The following CTNNA3 variants were observed in gnomAD, a reference collection of about 807,000 sequenced individuals.
The protein encoded by CTNNA3 is catenin alpha 3, also known as catenin alpha-3.
A neutral mutation model predicts 95.7 loss-of-function variants in CTNNA3; 76 were observed. The ratio of observed to expected loss-of-function variants is 0.79; its 90% confidence interval spans 0.66 to 0.96. The LOEUF (loss-of-function observed/expected upper bound fraction) is 0.96. Among genes scored for constraint, CTNNA3 ranks in the 40% least tolerant of loss-of-function variants. CTNNA3 has a pLI of 0.00. For synonymous variants in CTNNA3, 431 were observed against 374.4 expected, an observed-to-expected ratio of 1.15 and a Z score of -1.74; for missense variants, 1,191 against 1,089.8, an observed-to-expected ratio of 1.09 and a Z score of -1.31.
At chr10:65,962,595 T>C (rs1359427383) in intron 17 of CTNNA3, among the ~76,000 whole-genome samples, 5 of 152,180 alleles carry the variant, frequency 3.3e-5, no homozygotes, top group Non-Finnish European at 7.4e-5. Context: ...CTGGGTTACA[T>C]GTGCAGAACA....
intron 11 of CTNNA3, among the ~76,000 whole-genome samples, chr10:66,385,593 A>G (rs2092883392): frequency 6.6e-6 from 1 of 152,230 alleles, no homozygotes; most frequent in African/African-American, 2.4e-5. Context: ...TCATTTTATG[A>G]GGCCAGCATC....
At chr10:66,135,294 C>T (rs1408627152) in intron 13 of CTNNA3, among the ~76,000 whole-genome samples, 1 of 151,970 alleles carries the variant, frequency 6.6e-6, no homozygotes, top group African/African-American at 2.4e-5. Flanking sequence ...GTGCAATGAA[C>T]GTTGAATATT....
intron 10 of CTNNA3, among the ~76,000 whole-genome samples, chr10:66,571,132 A>T (rs1300182851): frequency 6.6e-6 from 1 of 152,182 alleles, no homozygotes; most frequent in Non-Finnish European, 1.5e-5. Context: ...GTGTGTATTT[A>T]TTCTCTTTCC....
chr10:66,821,873 T>A (rs1329398127), intron 7 of CTNNA3, among the ~76,000 whole-genome samples: 1 of 152,124 alleles, frequency 6.6e-6, no homozygotes, highest in African/African-American at 2.4e-5. Flanking sequence ...TAGCTCTAGA[T>A]CCACAGCACT....
rs188630188 is a variant in CTNNA3 at position 67,172,551 on chromosome 10, T to C, written c.1047+7766A>G. On this transcript the variant is annotated intron_variant, in intron 7 of 17. Coordinates refer to ENST00000433211, the MANE Select transcript of CTNNA3 (RefSeq NM_013266.4). ...CATATGTATAATACATACATATATA[T>C]ACACACACACACTATAGTCATATAG... 1.2e-3 allele frequency among the ~76,000 whole-genome samples: 188 copies of C among 152,158 alleles called. 2 individuals are homozygous for C. The highest frequency in any genetic ancestry group is 4.4e-3 in the African/African-American group (181 of 41,526).
At chr10:65,981,233 C>T (rs141903919) in intron 16 of CTNNA3, among the ~76,000 whole-genome samples, 229 of 151,856 alleles carry the variant, frequency 1.5e-3, no homozygotes, top group African/African-American at 5.1e-3. Flanking sequence ...AGAACTCAAC[C>T]GTTTTTTTAC....
At position 65,920,482 on chromosome 10, in the gene CTNNA3, C is replaced by T. The variant is rs1467135109; in HGVS notation, c.2536G>A (p.Val846Met). The T allele has an allele frequency of 6.2e-7, 1 of 1,614,132 alleles. No homozygotes were observed. Among genetic ancestry groups the T allele is most frequent in the Non-Finnish European group, 8.5e-7 (1 of 1,180,014 alleles). Residue 846 changes from valine (V) to methionine (M), a missense_variant, in exon 18 of 18, where the codon GTG becomes ATG. Val to Met is a conservative substitution (Grantham distance 21). Coordinates refer to ENST00000433211, the MANE Select transcript of CTNNA3 (RefSeq NM_013266.4). ...GCAGGAGCCTTCATTCTCCACATCA[C>T]AACTGGGTGCCGGGGCCCAGCAGGA... is the stretch of plus-strand genomic sequence containing the variant. ...QSPAGPRHPV[V>M]MWRMKAPAKK...
At chr10:67,035,797 T>TA (rs5785812) in intron 7 of CTNNA3, among the ~76,000 whole-genome samples, 9 of 151,806 alleles carry the variant, frequency 5.9e-5, no homozygotes, top group African/African-American at 2.2e-4. Context: ...ACATTTGCTT[T>TA]AAAAAAAAAT....
At chr10:67,601,026 C>T (rs530861969) in intron 3 of CTNNA3, among the ~76,000 whole-genome samples, 210 of 152,244 alleles carry the variant, frequency 1.4e-3, no homozygotes, top group Non-Finnish European at 2.2e-3. Flanking sequence ...TAGCTGGTAG[C>T]GGGGACAAGG....
At chr10:66,352,784 A>C (rs72802871) in intron 12 of CTNNA3, among the ~76,000 whole-genome samples, 9,259 of 152,176 alleles carry the variant, frequency 0.061, 444 homozygotes, top group East Asian at 0.1. Flanking sequence ...AATCTCAAAA[A>C]TGTACAGCTA....
intron 7 of CTNNA3, among the ~76,000 whole-genome samples, chr10:67,033,700 A>G (rs926556277): frequency 1.1e-4 from 16 of 152,182 alleles, no homozygotes; most frequent in African/African-American, 1.9e-4. Flanking sequence ...CAGATCCTAA[A>G]TGGTGGAACT....
chr10:67,280,823 GAAGAGGGTATAT>G (rs1251749895), intron 5 of CTNNA3, among the ~76,000 whole-genome samples: 1 of 152,062 alleles, frequency 6.6e-6, no homozygotes, highest in Non-Finnish European at 1.5e-5. Flanking sequence ...CTCCCCCAAT[GAAGAGGGTATAT>G]AAGCTTCAAC....
intron 5 of CTNNA3, among the ~76,000 whole-genome samples, chr10:67,432,909 T>G (rs565507573): frequency 6.6e-6 from 1 of 152,126 alleles, no homozygotes; most frequent in East Asian, 1.9e-4. Context: ...ATAGACTGAT[T>G]TGGGGAGTTT....
chr10:66,850,481 T>C (rs988747509), intron 7 of CTNNA3, among the ~76,000 whole-genome samples: 1 of 152,182 alleles, frequency 6.6e-6, no homozygotes, highest in Non-Finnish European at 1.5e-5. Context: ...GCAAAAAGCT[T>C]TGCTATTCTA....
At chr10:66,966,874 T>C (rs1215926385) in intron 7 of CTNNA3, among the ~76,000 whole-genome samples, 1 of 152,100 alleles carries the variant, frequency 6.6e-6, no homozygotes, top group African/African-American at 2.4e-5. Flanking sequence ...AAGACATGTT[T>C]AGTAGCTTTT....
At chr10:67,498,344 G>A (rs1312918861) in intron 5 of CTNNA3, among the ~76,000 whole-genome samples, 1 of 152,206 alleles carries the variant, frequency 6.6e-6, no homozygotes, top group Non-Finnish European at 1.5e-5. Flanking sequence ...CAGCCTTGTA[G>A]TATAGTTTGA....
intron 15 of CTNNA3, among the ~76,000 whole-genome samples, chr10:66,042,374 T>C (rs764465160): frequency 2.0e-5 from 3 of 152,120 alleles, no homozygotes; most frequent in Non-Finnish European, 4.4e-5. Flanking sequence ...GCCAGACACA[T>C]AGAAAAACTC....
chr10:65,945,618 T>C (rs1460974077), intron 17 of CTNNA3, among the ~76,000 whole-genome samples: 1 of 152,152 alleles, frequency 6.6e-6, no homozygotes, highest in African/African-American at 2.4e-5. Context: ...TTGCTGAGTG[T>C]TGGGCATGCC....
At chr10:67,699,442 C>CGTTA (rs1401530987), upstream of CTNNA3, among the ~76,000 whole-genome samples, 4 of 152,198 alleles carry the variant, frequency 2.6e-5, no homozygotes, top group African/African-American at 9.7e-5. Flanking sequence ...ATAACACATC[C>CGTTA]TAACCTATGG....
Sources: gnomAD v4.1 joint callset for allele counts (sites outside exome capture counted in the v4.1 genomes callset) on GRCh38, gnomAD v4.1.1 for gene constraint, MANE v1.5 for transcripts, NCBI Gene and HGNC (gene_info 2026-07-23, HGNC 2026-07-21) for gene names.